The following TTN variants were observed in gnomAD, a reference collection of about 807,000 sequenced individuals.
The protein encoded by TTN is connectin.
In TTN, 1,525 loss-of-function variants were observed where a neutral mutation model predicts 3,223.0. That is an observed-to-expected ratio of 0.47 (90% CI 0.45 to 0.49). The LOEUF is 0.49. TTN is among the 20% of genes least tolerant of loss of function. The pLI, the probability that TTN is intolerant of heterozygous loss-of-function variation, is 0.00. For synonymous variants in TTN, 14,094 were observed against 15,161.0 expected, an observed-to-expected ratio of 0.93 and a Z score of 5.17; for missense variants, 40,786 against 43,424.0, an observed-to-expected ratio of 0.94 and a Z score of 5.40.
intron 350 of TTN, 26 bp from the exon 351 acceptor site, chr2:178,540,396 G>C: frequency 6.4e-7 from 1 of 1,551,932 alleles, no homozygotes. Flanking sequence ...AGAATATACT[G>C]GTTAAAGTTG....
At position 178,559,904 on chromosome 2, in the gene TTN, T is replaced by C; in HGVS notation, c.86228A>G (p.Gln28743Arg). 4.3e-6 allele frequency: 7 copies of C among 1,613,624 alleles called. No individual in the cohort carries two copies. The highest frequency in any genetic ancestry group is 5.9e-6 in the Non-Finnish European group (7 of 1,179,760). The change falls in exon 326 of 363, where the codon CAG (glutamine) becomes CGG (arginine). Residue 28743 changes from glutamine (Q) to arginine (R), a missense_variant. Physicochemically the swap from Gln to Arg is conservative, Grantham distance 43 (BLOSUM62 1). Coordinates refer to ENST00000589042, the MANE Select transcript of TTN (RefSeq NM_001267550.2). ...ASDPSDSSDP[Q>R]IAKEREEEPL... ...TTCTTCTTCTCTTTCCTTTGCTATC[T>C]GAGGGTCAGAGCTATCACTGGGGTC...
intron 47 of TTN, chr2:178,751,730 T>C: frequency 6.2e-7 from 1 of 1,613,296 alleles, no homozygotes; most frequent in Non-Finnish European, 8.5e-7. Flanking sequence ...ATGGTGTAAA[T>C]CACTCTCAGC....
Position 178,728,915 on chromosome 2 carries a change from A to C in TTN, c.19123T>G (p.Cys6375Gly). Residue 6375 changes from cysteine (C) to glycine (G), a missense_variant, in exon 65 of 363, where the codon TGT (cysteine) becomes GGT (glycine). Cys to Gly is a radical substitution (Grantham distance 159). Coordinates refer to ENST00000589042, the MANE Select transcript of TTN (RefSeq NM_001267550.2). ...CCTTGTACTAAAAGGAAAGCATAAC[A>C]CCTCTCAACTCCTGACTCATTCTTG... ...QAKNESGVER[C>G]YAFLLVQEPA... The C allele has an allele frequency of 6.2e-7, 1 of 1,606,642 alleles. No individual in the cohort carries two copies. Among genetic ancestry groups the C allele is most frequent in the Non-Finnish European group, 8.5e-7 (1 of 1,175,782 alleles).
intron 47 of TTN, chr2:178,744,277 C>T (rs990046278): frequency 1.3e-5 from 9 of 701,592 alleles, no homozygotes; most frequent in African/African-American, 1.9e-5. Flanking sequence ...TTATTTCTCT[C>T]GTCCTTTGTT....
Position 178,738,323 on chromosome 2 carries a change from T to C in TTN, c.14130A>G (p.Glu4710=). 2 of 1,613,170 alleles carry C rather than the reference T, an allele frequency of 1.2e-6. No homozygotes were observed. The highest frequency in any genetic ancestry group is 2.2e-5 in the East Asian group (1 of 44,772). ...ATTTGGCTAGGTGGCCCAGTGCTAC[T>C]TCCAGGGGTTCGATTTTCCTCTTGA... ...PVIKRKIEPL[E]VALGHLAKFT... Residue 4710 remains glutamate, a synonymous_variant, in exon 49 of 363, where the codon GAA becomes GAG. Coordinates refer to ENST00000589042, the MANE Select transcript of TTN (RefSeq NM_001267550.2).
Position 178,703,427 on chromosome 2 carries a change from TGTAAG to T in TTN, c.30223+715_30223+719del, listed in dbSNP as rs1284103614. Among the ~76,000 whole-genome samples, 6 of 152,340 alleles carry T rather than the reference TGTAAG, an allele frequency of 3.9e-5. 1 individual carries two copies. The highest frequency in any genetic ancestry group is 3.9e-4 in the Admixed American group (6 of 15,312). ...AATACAACCAGTCACTGATATTCAT[TGTAAG>T]GTAAGTCAGAAAAGTTGACATGCTT... On this transcript the variant is annotated intron_variant, in intron 106 of 362. Coordinates refer to ENST00000589042, the MANE Select transcript of TTN (RefSeq NM_001267550.2).
chr2:178,790,006 C>T lies in TTN; in HGVS notation c.1910G>A (p.Arg637Lys), dbSNP rs1229970358. The T allele has an allele frequency of 2.5e-6, 4 of 1,613,082 alleles. No individual in the cohort carries two copies. The highest frequency in any genetic ancestry group is 1.3e-5 in the African/African-American group (1 of 75,008). Residue 637 changes from arginine to lysine, a missense_variant, in exon 12 of 363, where the codon AGA becomes AAA. By Grantham distance (26) the Arg-to-Lys change is conservative. Coordinates refer to ENST00000589042, the MANE Select transcript of TTN (RefSeq NM_001267550.2). ...SRGREGITTK[R>K]EQVQITQEKM... ...CTCCTGAGTTATTTGCACTTGTTCT[C>T]TTTTGGTAGTAATGCCTTCTCTACC...
chr2:178,686,969 T>G (rs1010413600), intron 127 of TTN, among the ~76,000 whole-genome samples: 2 of 152,248 alleles, frequency 1.3e-5, no homozygotes, highest in Non-Finnish European at 2.9e-5. Flanking sequence ...TCCTGACTTA[T>G]GTCCACCATC....
chr2:178,676,510 G>A (rs1424449758), intron 147 of TTN, among the ~76,000 whole-genome samples: 1 of 151,822 alleles, frequency 6.6e-6, no homozygotes, highest in East Asian at 1.9e-4. Context: ...ACTATGAGCT[G>A]ATTGAATATG....
At position 178,681,747 on chromosome 2, in the gene TTN, G is replaced by A. The variant is rs1455574725; in HGVS notation, c.33095-9C>T. 1 of 1,580,714 alleles carries A rather than the reference G, an allele frequency of 6.3e-7. No homozygotes were observed. Among genetic ancestry groups the A allele is most frequent in the East Asian group, 2.2e-5 (1 of 44,548 alleles). ...GATAGGCTTCTCTGGTTCTTTAAAA[G>A]TACATACAAGGTATTTCATGTTAGA... On this transcript the variant is annotated splice_polypyrimidine_tract_variant and intron_variant, in intron 135 of 362. Coordinates refer to ENST00000589042, the MANE Select transcript of TTN (RefSeq NM_001267550.2).
Position 178,583,121 on chromosome 2 carries a change from T to C in TTN, c.65682A>G (p.Thr21894=), listed in dbSNP as rs4894029. Residue 21894 remains threonine (T), a synonymous_variant, in exon 313 of 363, where the codon ACA becomes ACG. Transcript: ENST00000589042. ...DATVFGKPMP[T]VSWKKDGTLL... is the part of the protein sequence containing the mutation. The stretch of plus-strand genomic sequence containing the variant: ...GTGTGCCATCTTTTTTCCAAGAAAC[T>C]GTTGGCATCGGTTTACCAAAAACAG... The C allele has an allele frequency of 0.28, 449,284 of 1,610,804 alleles. 75,624 individuals carry two copies. The highest frequency in any genetic ancestry group is 0.7 in the East Asian group (30,917 of 44,456).
rs1170861087 is a variant in TTN at position 178,554,381 on chromosome 2, C to T, written c.88894+72G>A. The stretch of plus-strand genomic sequence containing the variant: ...GGTGTTATATAAAAGAAAATTAAAG[C>T]ATATGCACAGGTTAGCGTAGTTTAT... On this transcript the variant is annotated intron_variant, in intron 332 of 362. Transcript: ENST00000589042. The T allele has an allele frequency of 7.3e-6, 11 of 1,506,804 alleles. No individual in the cohort carries two copies. The East Asian group carries it at 2.6e-4, about 35-fold the overall frequency. The allele number at this position is 1,506,804 out of a possible 1,614,324, so 93.3% of individuals were successfully genotyped here. A position where few individuals can be genotyped will look rare whatever the true frequency, so the allele number is the denominator to read the frequency against.
chr2:178,701,233 G>C (rs1031786377), intron 110 of TTN, 30 bp from the exon 111 acceptor site: 23 of 1,578,702 alleles, frequency 1.5e-5, no homozygotes, highest in Non-Finnish European at 1.8e-5. Flanking sequence ...TTAGTAACAT[G>C]TTTTAGTTTC....
Position 178,559,518 on chromosome 2 carries a change from C to G in TTN, c.86614G>C (p.Asp28872His), listed in dbSNP as rs1337280647. 1 of 1,613,770 alleles carries G rather than the reference C, an allele frequency of 6.2e-7. No homozygotes were observed. The highest frequency in any genetic ancestry group is 2.2e-5 in the East Asian group (1 of 44,872). Residue 28872 changes from aspartate to histidine, a missense_variant, in exon 326 of 363, where the codon GAT becomes CAT. Coordinates refer to ENST00000589042, the MANE Select transcript of TTN (RefSeq NM_001267550.2). ...AVLSWDVPEN[D>H]GGAPVKNYHI... ...TAATTCTTCACTGGTGCTCCACCAT[C>G]GTTTTCAGGAACATCCCAGGATAAC...
Position 178,793,552 on chromosome 2 carries a change from TAGAG to T in TTN, c.1399-15_1399-12del. On this transcript the variant is annotated splice_polypyrimidine_tract_variant and intron_variant, in intron 8 of 362. Coordinates refer to ENST00000589042, the MANE Select transcript of TTN (RefSeq NM_001267550.2). ...CGCTTCCTTTCTTACCTGCTTTTCA[TAGAG>T]AAAGGAAGAAAACACCTTAATGCAT... 6.2e-7 allele frequency: 1 copy of T among 1,613,318 alleles called. No homozygotes were observed. The highest frequency in any genetic ancestry group is 8.5e-7 in the Non-Finnish European group (1 of 1,179,994).
chr2:178,804,489 A>G (rs943371296), intron 2 of TTN, 63 bp downstream of exon 2: 1 of 1,522,596 alleles, frequency 6.6e-7, no homozygotes, highest in Non-Finnish European at 9.1e-7. Context: ...TCCTGCAGCA[A>G]CGTTAACTTA....
Position 178,636,876 on chromosome 2 carries a change from A to T in TTN, c.40928-77T>A. 6.9e-7 allele frequency: 1 copy of T among 1,457,744 alleles called. No homozygotes were observed. The highest frequency in any genetic ancestry group is 9.1e-7 in the Non-Finnish European group (1 of 1,098,784). 90.3% of individuals were successfully genotyped at this position (1,457,744 alleles called of 1,614,324 possible). A position where few individuals can be genotyped will look rare whatever the true frequency, so the allele number is the denominator to read the frequency against. On this transcript the variant is annotated intron_variant, in intron 224 of 362. Coordinates refer to ENST00000589042, the MANE Select transcript of TTN (RefSeq NM_001267550.2). The surrounding 1 kb of genome is among the most constrained non-coding windows in gnomAD (Gnocchi z 4.3). ...AAGTTCATACTTGGCTGCCTGCTGG[A>T]TAAAACCAGCCGTAAAGCAATTAGA...
intron 46 of TTN, among the ~76,000 whole-genome samples, chr2:178,754,664 AAT>A (rs1014906797): frequency 1.7e-4 from 26 of 152,242 alleles, no homozygotes; most frequent in African/African-American, 6.0e-4. Context: ...CCTCCAAATA[AAT>A]AGTGACTCTG....
chr2:178,761,408 G>T (rs978618821), intron 43 of TTN, among the ~76,000 whole-genome samples: 5 of 152,082 alleles, frequency 3.3e-5, no homozygotes, highest in Non-Finnish European at 5.9e-5. Flanking sequence ...ACTTTAGCAC[G>T]GCCTTTGCTG....
Sources: gnomAD v4.1 joint callset for allele counts (sites outside exome capture counted in the v4.1 genomes callset) on GRCh38, gnomAD v4.1.1 for gene constraint, Gnocchi (gnomAD v3.1) non-coding constraint, MANE v1.5 for transcripts, NCBI Gene and HGNC (gene_info 2026-07-23, HGNC 2026-07-21) for gene names.